DCLK1: variants seen among roughly 807,000 people sequenced by gnomAD.
DCLK1 encodes serine/threonine-protein kinase DCLK1.
In DCLK1, 16 loss-of-function variants were observed where a neutral mutation model predicts 86.2. The ratio of observed to expected loss-of-function variants is 0.19; its 90% CI spans 0.13 to 0.28. The LOEUF (loss-of-function observed/expected upper bound fraction) is 0.28, where lower values mean the gene tolerates loss of function less well. Among genes scored for constraint, DCLK1 ranks in the 10% least tolerant of loss-of-function variants. The pLI, the probability that DCLK1 is intolerant of heterozygous loss-of-function variation, is 1.00. For missense variants in DCLK1, 590 were observed against 940.2 expected (o/e 0.63, Z 4.87); for synonymous variants, 369 against 370.5 (o/e 1.00, Z 0.05).
intron 3 of DCLK1, among the ~76,000 whole-genome samples, chr13:35,998,485 C>T (rs1036050022): frequency 2.6e-5 from 4 of 152,176 alleles, no homozygotes; most frequent in African/African-American, 7.2e-5. Flanking sequence ...CCAGCCGATG[C>T]GTCTCTACCA....
rs879280423 is a variant in DCLK1 at position 35,904,048 on chromosome 13, C to CT, written c.824-32709dup. Reference sequence around the variant, plus strand: ...AAATCCATGGAAAAGATTCCAATTACTTTTTTTTTTTTAAAGTTTAAAGCT... The same window carrying CT: ...AAATCCATGGAAAAGATTCCAATTACTTTTTTTTTTTTTAAAGTTTAAAGCT... On this transcript the variant is annotated intron_variant, in intron 4 of 16. Coordinates refer to ENST00000360631, the MANE Select transcript of DCLK1 (RefSeq NM_001330071.2). Among the ~76,000 whole-genome samples the CT allele has an allele frequency of 3.8e-3, 548 of 145,462 alleles. 2 individuals are homozygous for CT. Among genetic ancestry groups the CT allele is most frequent in the African/African-American group, 0.012 (489 of 39,866 alleles).
At chr13:35,936,681 A>C (rs1256316734) in intron 4 of DCLK1, among the ~76,000 whole-genome samples, 1 of 152,210 alleles carries the variant, frequency 6.6e-6, no homozygotes, top group Admixed American at 6.5e-5. Context: ...CCTCTGGCAG[A>C]AAACTGAAGG....
chr13:35,784,486 C>T (rs781594053), intron 16 of DCLK1, among the ~76,000 whole-genome samples: 2 of 152,180 alleles, frequency 1.3e-5, no homozygotes, highest in Non-Finnish European at 2.9e-5. Context: ...GTGACCTTCA[C>T]GCCACAACAG....
intron 3 of DCLK1, among the ~76,000 whole-genome samples, chr13:36,063,576 C>T (rs1883636010): frequency 6.6e-6 from 1 of 152,180 alleles, no homozygotes; most frequent in Non-Finnish European, 1.5e-5. Flanking sequence ...AAGAAGTATA[C>T]AGGTATGCCC....
At chr13:35,964,967 T>C (rs1033608867) in intron 3 of DCLK1, among the ~76,000 whole-genome samples, 1 of 152,292 alleles carries the variant, frequency 6.6e-6, no homozygotes, top group Middle Eastern at 3.4e-3. Flanking sequence ...AGAGATCATA[T>C]GGTTCACAAA....
Position 36,013,430 on chromosome 13 carries a change from T to C in DCLK1, c.724-65973A>G, listed in dbSNP as rs542078445. On this transcript the variant is annotated intron_variant, in intron 3 of 16. Transcript: ENST00000360631. ...CGGTGTGGATGTCCTTTCTGTTTGT[T>C]AGTTTTCCTTCTAACAGACAGGACC... is the stretch of plus-strand genomic sequence containing the variant. Among the ~76,000 whole-genome samples, 377 of 152,226 alleles carry C rather than the reference T, an allele frequency of 2.5e-3. 2 individuals are homozygous for C. The highest frequency in any genetic ancestry group is 8.3e-3 in the African/African-American group (343 of 41,548).
At chr13:36,078,638 G>A (rs1187652804) in intron 3 of DCLK1, among the ~76,000 whole-genome samples, 3 of 152,194 alleles carry the variant, frequency 2.0e-5, no homozygotes, top group Non-Finnish European at 4.4e-5. Context: ...AAGTATCTGA[G>A]CACTGGAGCA....
intron 14 of DCLK1, 133 bp from the exon 15 acceptor site, chr13:35,805,912 C>CAGGTAAGTGGAGTTGA: frequency 1.6e-6 from 1 of 631,584 alleles, no homozygotes; most frequent in Non-Finnish European, 2.5e-6. Context: ...ATCAACTCCA[C>CAGGTAAGTGGAGTTGA]TTACCTGTGG....
chr13:36,092,894 T>C (rs1033746754), intron 3 of DCLK1, among the ~76,000 whole-genome samples: 2 of 152,138 alleles, frequency 1.3e-5, no homozygotes, highest in Admixed American at 6.5e-5. Flanking sequence ...ATCCTTTGCA[T>C]GTTAGGCAAG....
At position 35,956,553 on chromosome 13, in the gene DCLK1, A is replaced by G. The variant is rs115703524; in HGVS notation, c.724-9096T>C. On this transcript the variant is annotated intron_variant, in intron 3 of 16. Coordinates refer to ENST00000360631, the MANE Select transcript of DCLK1 (RefSeq NM_001330071.2). ...GAACATATGGCTGGTTCTCTGCTTA[A>G]TGCCTGGGGAGTGATATTGGACATA... 6.2e-3 allele frequency among the ~76,000 whole-genome samples: 945 copies of G among 151,428 alleles called. 15 individuals carry two copies. The highest frequency in any genetic ancestry group is 0.021 in the African/African-American group (864 of 40,870).
intron 4 of DCLK1, among the ~76,000 whole-genome samples, chr13:35,896,702 A>G (rs1874017124): frequency 6.6e-6 from 1 of 151,842 alleles, no homozygotes; most frequent in South Asian, 2.1e-4. Flanking sequence ...TCTCTTCTGC[A>G]CTCGGCCTTG....
chr13:35,940,414 G>A (rs1877023153), intron 4 of DCLK1, among the ~76,000 whole-genome samples: 1 of 152,146 alleles, frequency 6.6e-6, no homozygotes, highest in Admixed American at 6.5e-5. Flanking sequence ...ATAAATGACT[G>A]CATGAGTGAA....
chr13:36,120,935 T>A (rs1442663131), intron 2 of DCLK1, among the ~76,000 whole-genome samples: 1 of 152,154 alleles, frequency 6.6e-6, no homozygotes, highest in Non-Finnish European at 1.5e-5. Flanking sequence ...AATCCACTTT[T>A]ATGAAGGGGA....
At chr13:35,999,943 T>G (rs1441229575) in intron 3 of DCLK1, among the ~76,000 whole-genome samples, 1 of 152,150 alleles carries the variant, frequency 6.6e-6, no homozygotes, top group Admixed American at 6.5e-5. Flanking sequence ...AAGTCTTACA[T>G]TCTAGGGAGC....
chr13:36,026,527 T>G (rs1261520178), intron 3 of DCLK1, among the ~76,000 whole-genome samples: 9 of 152,240 alleles, frequency 5.9e-5, no homozygotes, highest in African/African-American at 2.2e-4. Flanking sequence ...GATATATCTT[T>G]CAGGTAAATC....
At chr13:35,921,453 T>C (rs1261726509) in intron 4 of DCLK1, among the ~76,000 whole-genome samples, 1 of 152,152 alleles carries the variant, frequency 6.6e-6, no homozygotes. Context: ...TCAGCAGAAA[T>C]TCGACTTCCT....
intron 4 of DCLK1, among the ~76,000 whole-genome samples, chr13:35,924,739 T>A (rs534686512): frequency 6.6e-6 from 1 of 152,204 alleles, no homozygotes; most frequent in Non-Finnish European, 1.5e-5. Context: ...GGTCCATACC[T>A]CTCATTAAAT....
At chr13:35,778,213 A>G (rs2086459491) in intron 16 of DCLK1, among the ~76,000 whole-genome samples, 1 of 152,128 alleles carries the variant, frequency 6.6e-6, no homozygotes, top group Non-Finnish European at 1.5e-5. Flanking sequence ...TGTCAGGTCA[A>G]TTTCTACAAG....
At chr13:36,123,985 G>A (rs1886079213) in intron 2 of DCLK1, among the ~76,000 whole-genome samples, 1 of 152,190 alleles carries the variant, frequency 6.6e-6, no homozygotes, top group Admixed American at 6.5e-5. Context: ...CCACTTCTAA[G>A]TAAAGATCAT....
Sources: gnomAD v4.1 joint callset for allele counts (sites outside exome capture counted in the v4.1 genomes callset) on GRCh38, gnomAD v4.1.1 for gene constraint, MANE v1.5 for transcripts, NCBI Gene and HGNC (gene_info 2026-07-23, HGNC 2026-07-21) for gene names.